Variants in ZNF235 observed in about 807,000 individuals in gnomAD.
ZNF235 encodes zfp-93.
ZNF235 carries 25 observed loss-of-function variants against 29.4 expected under a neutral mutation model. The observed-to-expected ratio is 0.85, with a 90% CI of 0.62 to 1.19. The LOEUF (loss-of-function observed/expected upper bound fraction) is 1.19. Among genes scored for constraint, ZNF235 ranks in the 50% most tolerant of loss-of-function variants. ZNF235 has a pLI of 0.00. For synonymous variants in ZNF235, 300 were observed against 295.3 expected (o/e 1.02, Z -0.16); for missense variants, 788 against 885.0 (o/e 0.89, Z 1.39).
At chr19:44,295,385 G>A (rs1162242334) in intron 4 of ZNF235, among the ~76,000 whole-genome samples, 1 of 151,820 alleles carries the variant, frequency 6.6e-6, no homozygotes, top group Non-Finnish European at 1.5e-5. Flanking sequence ...ATTTAACCAA[G>A]GAAGGGAAAG....
At position 44,287,906 on chromosome 19, in the gene ZNF235, G is replaced by A; in HGVS notation, c.1529C>T (p.Thr510Ile). The A allele has an allele frequency of 6.2e-7, 1 of 1,613,968 alleles. No homozygotes were observed. Among genetic ancestry groups the A allele is most frequent in the Non-Finnish European group, 8.5e-7 (1 of 1,179,996 alleles). ...GTTGCATCGAAATGGTTTCTCTCCT[G>A]TATGGACCCTCTGATGGCTCTGGAA... ...SSFQSHQRVHTGEKPFRCNVC... is the reference protein window; with the variant it reads ...SSFQSHQRVHIGEKPFRCNVC... Residue 510 changes from threonine to isoleucine, a missense_variant, in exon 5 of 5, where the codon ACA becomes ATA. Coordinates refer to ENST00000291182, the MANE Select transcript of ZNF235 (RefSeq NM_004234.4).
intron 1 of ZNF235, chr19:44,304,569 CA>C (rs1975803050): frequency 2.8e-6 from 1 of 354,058 alleles, no homozygotes; most frequent in Non-Finnish European, 4.0e-6. Context: ...TGGCATCCAA[CA>C]TTTTCCTATG....
At chr19:44,291,906 C>T (rs1214693321) in intron 4 of ZNF235, among the ~76,000 whole-genome samples, 1 of 152,154 alleles carries the variant, frequency 6.6e-6, no homozygotes, top group African/African-American at 2.4e-5. Context: ...TTTTAGGAAG[C>T]CAGCATTATT....
chr19:44,286,863 T>C lies in ZNF235; in HGVS notation c.*355A>G. On this transcript the variant is annotated 3_prime_UTR_variant, in exon 5 of 5. Transcript: ENST00000291182. ...CCTTACATAGAGGTTACATTTTAGT[T>C]GACATCCATTTTTTCTGTCAATCAT... The C allele has an allele frequency of 5.2e-6, 1 of 193,064 alleles. No individual in the cohort carries two copies. Among genetic ancestry groups the C allele is most frequent in the African/African-American group, 2.3e-5 (1 of 42,818 alleles). 12.0% of individuals were successfully genotyped at this position (193,064 alleles called of 1,614,324 possible). A position where few individuals can be genotyped will look rare whatever the true frequency, so the allele number is the denominator to read the frequency against.
At chr19:44,296,930 A>G (rs1975661897) in intron 4 of ZNF235, among the ~76,000 whole-genome samples, 2 of 152,212 alleles carry the variant, frequency 1.3e-5, no homozygotes, top group African/African-American at 4.8e-5. Context: ...AGGGGAAACT[A>G]GAAAATATCT....
intron 1 of ZNF235, 94 bp from the exon 2 acceptor site, chr19:44,303,546 T>A: frequency 8.6e-7 from 1 of 1,161,544 alleles, no homozygotes; most frequent in South Asian, 1.4e-5. Flanking sequence ...TCCCCCTGTC[T>A]CTAGGCAGAC....
At chr19:44,299,015 G>A in intron 3 of ZNF235, 112 bp from the exon 4 acceptor site, 1 of 667,092 alleles carries the variant, frequency 1.5e-6, no homozygotes, top group South Asian at 2.1e-5. Context: ...CAATGTTTAG[G>A]GAACATTTTT....
intron 4 of ZNF235, chr19:44,297,062 A>C (rs992396861): frequency 3.3e-5 from 5 of 152,256 alleles, no homozygotes; most frequent in African/African-American, 4.8e-5. Context: ...TACCTTAAGG[A>C]AATGAAAAAA....
Position 44,298,884 on chromosome 19 carries a change from T to C in ZNF235, c.162A>G (p.Pro54=). ...CCCTCTCCAACTGGGATATCATATC[T>C]GGTTTGAAGGACTGATGTCCTATAA... ...LVSVGHQSFK[P]DMISQLEREE... The change falls in exon 4 of 5, where the codon CCA becomes CCG. Residue 54 remains proline (P), a synonymous_variant. Coordinates refer to ENST00000291182, the MANE Select transcript of ZNF235 (RefSeq NM_004234.4). 6.2e-7 allele frequency: 1 copy of C among 1,613,656 alleles called. No individual in the cohort carries two copies. Among genetic ancestry groups the C allele is most frequent in the Non-Finnish European group, 8.5e-7 (1 of 1,179,612 alleles).
chr19:44,297,714 T>C (rs963434897), intron 4 of ZNF235, among the ~76,000 whole-genome samples: 1 of 152,038 alleles, frequency 6.6e-6, no homozygotes, highest in Admixed American at 6.5e-5. Flanking sequence ...CCGCCCACCT[T>C]GTCCTCCCAA....
chr19:44,302,753 G>T (rs891334482), intron 2 of ZNF235, among the ~76,000 whole-genome samples: 8 of 109,842 alleles, frequency 7.3e-5, no homozygotes, highest in African/African-American at 1.4e-4. Flanking sequence ...AATATATATA[G>T]AGATTTATAT....
rs538013644 is a variant in ZNF235 at position 44,287,783 on chromosome 19, C to G, written c.1652G>C (p.Arg551Pro). ...GTGAAGATTCAAGCTCCAATTGAAG[C>G]GCTTCCCACACACTTCACATTTGTA... Reference protein sequence around the residue: ...KPYKCEVCGKRFNWSLNLHNH... With the variant: ...KPYKCEVCGKPFNWSLNLHNH... Residue 551 changes from arginine to proline, a missense_variant, in exon 5 of 5, where the codon CGC becomes CCC. Physicochemically the swap from Arg to Pro is moderately radical, Grantham distance 103 (BLOSUM62 -2). Transcript: ENST00000291182. The G allele has an allele frequency of 7.4e-6, 12 of 1,613,788 alleles. No homozygotes were observed. The Admixed American group carries it at 2.0e-4, about 27-fold the overall frequency.
At position 44,289,133 on chromosome 19, in the gene ZNF235, C is replaced by G. The variant is rs1433818395; in HGVS notation, c.302G>C (p.Gly101Ala). 2.5e-6 allele frequency: 4 copies of G among 1,613,926 alleles called. No homozygotes were observed. Among genetic ancestry groups the G allele is most frequent in the African/African-American group, 1.3e-5 (1 of 74,894 alleles). Residue 101 changes from glycine to alanine, a missense_variant, in exon 5 of 5, where the codon GGA becomes GCA. Physicochemically the swap from Gly to Ala is moderately conservative, Grantham distance 60. Transcript: ENST00000291182. ...HKAGLRCFSL[G>A]ELSCWQIKRH... ...CTTGATTTGCCAGCATGAAAGCTCT[C>G]CCAGTGAAAAGCACCTTAATCCTGC...
intron 2 of ZNF235, among the ~76,000 whole-genome samples, chr19:44,302,876 ATG>A (rs72299253): frequency 0.44 from 61,615 of 139,716 alleles, 15,373 homozygotes; most frequent in South Asian, 0.67. Flanking sequence ...ATATATTTGT[ATG>A]TGTTTATATA....
Position 44,288,675 on chromosome 19 carries a change from G to C in ZNF235, c.760C>G (p.Arg254Gly). The C allele has an allele frequency of 6.2e-7, 1 of 1,613,934 alleles. No homozygotes were observed. Among genetic ancestry groups the C allele is most frequent in the East Asian group, 2.2e-5 (1 of 44,884 alleles). ...GTTTTCTGTCCTGTGTGAATACTAC[G>C]CTGGGTAAGAGGTGATACCTTTAGG... ...DTLKVSPLTQ[R>G]SIHTGQKTYQ... The change falls in exon 5 of 5, where the codon CGT becomes GGT. Residue 254 changes from arginine (R) to glycine (G), a missense_variant. Transcript: ENST00000291182.
At position 44,287,021 on chromosome 19, in the gene ZNF235, G is replaced by C. The variant is rs536332440; in HGVS notation, c.*197C>G. 7.3e-6 allele frequency: 4 copies of C among 544,666 alleles called. No individual in the cohort carries two copies. Among genetic ancestry groups the C allele is most frequent in the Admixed American group, 3.5e-5 (1 of 28,428 alleles). 33.7% of individuals were successfully genotyped at this position (544,666 alleles called of 1,614,324 possible). On this transcript the variant is annotated 3_prime_UTR_variant, in exon 5 of 5. Transcript: ENST00000291182. ...CATATTTACAGAACAAAGTTTTCTC[G>C]CATCTGTGAAATATGACGTTTGTAA...
intron 3 of ZNF235, among the ~76,000 whole-genome samples, 162 bp from the exon 4 acceptor site, chr19:44,299,065 C>T (rs1975695345): frequency 6.6e-6 from 1 of 152,082 alleles, no homozygotes; most frequent in Admixed American, 6.5e-5. Context: ...TTTACTATCA[C>T]TGGAAATACA....
At position 44,288,484 on chromosome 19, in the gene ZNF235, T is replaced by C. The variant is rs747757705; in HGVS notation, c.951A>G (p.Lys317=). ...PVQQSVRTGK[K]RYWCHECGKG... ...TACCACATTCATGACACCAATAGCGTTTTTTCCCAGTACGAACACTTTGTT... is the reference window on the plus strand; with the variant it reads ...TACCACATTCATGACACCAATAGCGCTTTTTCCCAGTACGAACACTTTGTT... The change falls in exon 5 of 5, where the codon AAA becomes AAG. Residue 317 remains lysine, a synonymous_variant. Coordinates refer to ENST00000291182, the MANE Select transcript of ZNF235 (RefSeq NM_004234.4). 6.2e-7 allele frequency: 1 copy of C among 1,614,162 alleles called. No homozygotes were observed. Among genetic ancestry groups the C allele is most frequent in the Non-Finnish European group, 8.5e-7 (1 of 1,180,010 alleles).
intron 4 of ZNF235, chr19:44,289,861 C>A (rs953159729): frequency 6.6e-6 from 1 of 152,212 alleles, no homozygotes; most frequent in South Asian, 2.1e-4. Context: ...ATACAACCTG[C>A]ACATCTAGAA....
Sources: gnomAD v4.1 joint callset for allele counts (sites outside exome capture counted in the v4.1 genomes callset) on GRCh38, gnomAD v4.1.1 for gene constraint, MANE v1.5 for transcripts, NCBI Gene and HGNC (gene_info 2026-07-23, HGNC 2026-07-21) for gene names.